Variants in MAPKAPK3 observed in about 807,000 individuals in gnomAD.
MAPKAPK3 encodes the protein MAP kinase-activated protein kinase 3.
A neutral mutation model predicts 49.2 loss-of-function variants in MAPKAPK3; 35 were observed. The ratio of observed to expected loss-of-function variants is 0.71; its 90% confidence interval spans 0.54 to 0.94. MAPKAPK3 has a LOEUF of 0.94. Among genes scored for constraint, MAPKAPK3 ranks in the 40% least tolerant of loss-of-function variants. The probability of loss-of-function intolerance (pLI) is 0.00; values close to 1 mark genes in which losing one functional copy is unlikely to be tolerated. For missense variants in MAPKAPK3, 398 were observed against 493.1 expected (o/e 0.81, Z 1.83); for synonymous variants, 178 against 188.7 (o/e 0.94, Z 0.46).
intron 6 of MAPKAPK3, 136 bp downstream of exon 6, chr3:50,644,668 G>A: frequency 2.2e-6 from 2 of 920,858 alleles, no homozygotes; most frequent in Admixed American, 2.7e-5. Flanking sequence ...CTGCATGGAG[G>A]CGGGTGACGT....
intron 5 of MAPKAPK3, among the ~76,000 whole-genome samples, chr3:50,642,833 G>T (rs2033206563): frequency 6.6e-6 from 1 of 151,900 alleles, no homozygotes; most frequent in Admixed American, 6.6e-5. Context: ...GATGCTGTTG[G>T]TTTTTTTTGT....
rs779678577 is a variant in MAPKAPK3, at chr3:50,617,681, T to A, written c.116T>A (p.Val39Glu). The A allele has an allele frequency of 1.2e-6, 2 of 1,613,222 alleles. No homozygotes were observed. The highest frequency in any genetic ancestry group is 1.7e-6 in the Non-Finnish European group (2 of 1,179,824). The change falls in exon 2 of 11, where the codon GTG (valine) becomes GAG (glutamate). Residue 39 changes from valine to glutamate, a missense_variant. Around this residue, in one of 5 missense-constraint regions of MAPKAPK3, gnomAD observed 123 missense variants for 117.7 expected, o/e 1.04. Coordinates refer to ENST00000621469, the MANE Select transcript of MAPKAPK3 (RefSeq NM_001243925.2). The part of the protein sequence containing the change: ...GGRREPKKYA[V>E]TDDYQLSKQV... ...CGGCGGGAGCCCAAGAAGTACGCAG[T>A]GACCGACGACTACCAGTTGTCCAAG...
At chr3:50,643,132 G>A (rs188101332) in intron 5 of MAPKAPK3, among the ~76,000 whole-genome samples, 3 of 152,222 alleles carry the variant, frequency 2.0e-5, no homozygotes, top group Non-Finnish European at 4.4e-5. Flanking sequence ...GATTACAGGC[G>A]TGAGCCATTC....
At chr3:50,637,094 C>T (rs1402308261) in intron 2 of MAPKAPK3, among the ~76,000 whole-genome samples, 2 of 152,150 alleles carry the variant, frequency 1.3e-5, no homozygotes, top group Non-Finnish European at 2.9e-5. Context: ...TGCTCCTCTA[C>T]CTCAGCAAAG....
In MAPKAPK3 at chr3:50,646,158, C is replaced by T; in HGVS notation, c.723C>T (p.Pro241=). 6.2e-7 allele frequency: 1 copy of T among 1,614,088 alleles called. No homozygotes were observed. Among genetic ancestry groups the T allele is most frequent in the African/African-American group, 1.3e-5 (1 of 75,044 alleles). ...IMYILLCGFP[P]FYSNTGQAIS... ...CCCCCAGCCTTTGTGGCTTCCCACC[C>T]TTCTACTCCAACACGGGCCAGGCCA... The change falls in exon 8 of 11, where the codon CCC becomes CCT. Residue 241 remains proline (P), a synonymous_variant. Transcript: ENST00000621469.
chr3:50,639,698 G>A (rs563743079), intron 2 of MAPKAPK3, among the ~76,000 whole-genome samples: 1 of 152,264 alleles, frequency 6.6e-6, no homozygotes, highest in African/African-American at 2.4e-5. Flanking sequence ...GACAGACACA[G>A]GCCTCAACCT....
chr3:50,616,615 A>C (rs2032468216), upstream of MAPKAPK3, among the ~76,000 whole-genome samples: 1 of 152,180 alleles, frequency 6.6e-6, no homozygotes, highest in African/African-American at 2.4e-5. Context: ...CGGGAGCTGC[A>C]AAAAGGGGGC....
intron 3 of MAPKAPK3, 64 bp from the exon 4 acceptor site, chr3:50,641,643 G>T: frequency 7.5e-7 from 1 of 1,336,388 alleles, no homozygotes; most frequent in Non-Finnish European, 1.1e-6. Flanking sequence ...ATGATTTGGG[G>T]CAGGGGCAAG....
chr3:50,628,891 C>T (rs1419789786), intron 2 of MAPKAPK3, among the ~76,000 whole-genome samples: 1 of 152,182 alleles, frequency 6.6e-6, no homozygotes, highest in Non-Finnish European at 1.5e-5. Flanking sequence ...ACACATTTTG[C>T]AGGAGGGACA....
intron 2 of MAPKAPK3, among the ~76,000 whole-genome samples, chr3:50,639,364 G>A (rs75624574): frequency 7.5e-4 from 114 of 152,222 alleles, no homozygotes; most frequent in African/African-American, 2.6e-3. Context: ...GGTCCTTACC[G>A]GTGATCTGTA....
chr3:50,620,516 C>G (rs1254425531), intron 2 of MAPKAPK3, among the ~76,000 whole-genome samples: 1 of 152,180 alleles, frequency 6.6e-6, no homozygotes, highest in African/African-American at 2.4e-5. Context: ...GAAGATAGTG[C>G]TTAACAGGAA....
chr3:50,648,323 C>A lies in MAPKAPK3; in HGVS notation c.*277C>A. 2.6e-6 allele frequency: 1 copy of A among 390,650 alleles called. No individual in the cohort carries two copies. The highest frequency in any genetic ancestry group is 4.7e-6 in the Non-Finnish European group (1 of 214,750). The allele number at this position is 390,650 out of a possible 1,614,324, so 24.2% of individuals were successfully genotyped here. The stretch of plus-strand genomic sequence containing the variant: ...TTTAGCTAGGTTGGCCCGAGTGAGG[C>A]CTCTGTGCTGTCCTGCCCTGGTGCA... On this transcript the variant is annotated 3_prime_UTR_variant, in exon 11 of 11. Coordinates refer to ENST00000621469, the MANE Select transcript of MAPKAPK3 (RefSeq NM_001243925.2).
At chr3:50,638,982 G>C (rs2033108443) in intron 2 of MAPKAPK3, among the ~76,000 whole-genome samples, 1 of 152,208 alleles carries the variant, frequency 6.6e-6, no homozygotes, top group Admixed American at 6.5e-5. Flanking sequence ...GGGGTGGCTT[G>C]TCCCTGCTGT....
chr3:50,617,660 G>A lies in MAPKAPK3; in HGVS notation c.95G>A (p.Arg32Gln), dbSNP rs2032506379. 14 of 1,611,442 alleles carry A rather than the reference G, an allele frequency of 8.7e-6. No homozygotes were observed. The highest frequency in any genetic ancestry group is 4.5e-5 in the East Asian group (2 of 44,872). ...PGLGGAPGGR[R>Q]EPKKYAVTDD... ...TTGGGCGGTGCTCCGGGGGGGCGGCGGGAGCCCAAGAAGTACGCAGTGACC... is the reference window on the plus strand; with the variant it reads ...TTGGGCGGTGCTCCGGGGGGGCGGCAGGAGCCCAAGAAGTACGCAGTGACC... The change falls in exon 2 of 11, where the codon CGG becomes CAG. Residue 32 changes from arginine to glutamine, a missense_variant. Transcript: ENST00000621469.
chr3:50,645,486 A>G (rs1020437361), intron 6 of MAPKAPK3, among the ~76,000 whole-genome samples: 1 of 152,198 alleles, frequency 6.6e-6, no homozygotes, highest in African/African-American at 2.4e-5. Context: ...CTCAGGCCCA[A>G]GGGAGCTAGG....
At position 50,646,747 on chromosome 3, in the gene MAPKAPK3, G is replaced by A. The variant is rs1227493478; in HGVS notation, c.837G>A (p.Gln279=). The change falls in exon 9 of 11, where the codon CAG becomes CAA. Residue 279 remains glutamine (Q), a synonymous_variant. Transcript: ENST00000621469. The stretch of plus-strand genomic sequence containing the variant: ...CTTCCCTGGCCCCCCTAGCCAAGCA[G>A]CTGATCCGCCTCCTGTTGAAGACAG... ...EWSEVSEDAK[Q]LIRLLLKTDP... is the part of the protein sequence containing the mutation. The A allele has an allele frequency of 6.2e-7, 1 of 1,614,068 alleles. No homozygotes were observed. Among genetic ancestry groups the A allele is most frequent in the Non-Finnish European group, 8.5e-7 (1 of 1,180,004 alleles).
At position 50,624,452 on chromosome 3, in the gene MAPKAPK3, G is replaced by A. The variant is rs2032685941; in HGVS notation, c.219+6668G>A. Among the ~76,000 whole-genome samples, 3 of 152,224 alleles carry A rather than the reference G, an allele frequency of 2.0e-5. No individual in the cohort carries two copies. In the South Asian group the frequency reaches 6.2e-4, roughly 31 times the overall value. The stretch of plus-strand genomic sequence containing the variant: ...GTGTCAAAGTCCTGACAAAGACTGG[G>A]AAGCTGAGGGAGGACCAGAGGAATC... On this transcript the variant is annotated intron_variant, in intron 2 of 10. Transcript: ENST00000621469.
Position 50,646,815 on chromosome 3 carries a change from C to A in MAPKAPK3, c.905C>A (p.Pro302His). Residue 302 changes from proline to histidine, a missense_variant, in exon 9 of 11, where the codon CCC becomes CAC. Coordinates refer to ENST00000621469, the MANE Select transcript of MAPKAPK3 (RefSeq NM_001243925.2). ...RLTITQFMNH[P>H]WINQSMVVPQ... ...ACCATCACTCAGTTCATGAACCACC[C>A]CTGGATCAACGTGAGCCCCTCCTCC... 6.2e-7 allele frequency: 1 copy of A among 1,613,994 alleles called. No homozygotes were observed. The highest frequency in any genetic ancestry group is 2.2e-5 in the East Asian group (1 of 44,874).
At chr3:50,643,524 C>T (rs1480951618) in intron 5 of MAPKAPK3, among the ~76,000 whole-genome samples, 1 of 152,182 alleles carries the variant, frequency 6.6e-6, no homozygotes, top group African/African-American at 2.4e-5. Flanking sequence ...CAGAGGCGAG[C>T]TGAGGTTACA....
Sources: gnomAD v4.1 joint callset for allele counts (sites outside exome capture counted in the v4.1 genomes callset) on GRCh38, gnomAD v4.1.1 for gene constraint, gnomAD v4.1.1 regional missense constraint, MANE v1.5 for transcripts, NCBI Gene and HGNC (gene_info 2026-07-23, HGNC 2026-07-21) for gene names.